The following DNAJC12 variants were observed in gnomAD, a reference collection of about 807,000 sequenced individuals.
DNAJC12 encodes the protein dnaJ homolog subfamily C member 12.
Under a neutral mutation model 28.5 loss-of-function variants are expected in DNAJC12, and 25 were observed. The ratio of observed to expected loss-of-function variants is 0.88; its 90% CI spans 0.64 to 1.22. The LOEUF (loss-of-function observed/expected upper bound fraction) is 1.22, where lower values mean the gene tolerates loss of function less well. Ranked by LOEUF, DNAJC12 falls within the 50% of genes most tolerant of loss-of-function variation. DNAJC12 has a pLI of 0.00. For synonymous variants in DNAJC12, 77 were observed against 80.6 expected (o/e 0.95, Z 0.24); for missense variants, 222 against 231.7 (o/e 0.96, Z 0.27).
At chr10:67,800,286 G>A (rs1467612171) in intron 4 of DNAJC12, among the ~76,000 whole-genome samples, 2 of 151,160 alleles carry the variant, frequency 1.3e-5, no homozygotes, top group East Asian at 3.9e-4. Context: ...AATCCCAGGT[G>A]GCACCTTAGC....
chr10:67,797,903 G>A (rs1213483767), intron 4 of DNAJC12, among the ~76,000 whole-genome samples: 7 of 152,004 alleles, frequency 4.6e-5, no homozygotes, highest in Non-Finnish European at 1.0e-4. Context: ...AGCCGGGCGT[G>A]GTGGCGGGCG....
intron 2 of DNAJC12, among the ~76,000 whole-genome samples, chr10:67,819,330 G>A (rs993482166): frequency 2.6e-5 from 4 of 151,400 alleles, no homozygotes; most frequent in Non-Finnish European, 2.9e-5. Context: ...GCGAGAAGCC[G>A]TCTCAAAAAA....
chr10:67,829,698 C>A (rs1452140181), intron 1 of DNAJC12, among the ~76,000 whole-genome samples: 1 of 152,068 alleles, frequency 6.6e-6, no homozygotes, highest in Non-Finnish European at 1.5e-5. Flanking sequence ...TGTTGACTGT[C>A]AAGCCGCCCT....
intron 2 of DNAJC12, among the ~76,000 whole-genome samples, chr10:67,818,488 A>G (rs1294835228): frequency 6.6e-6 from 1 of 152,092 alleles, no homozygotes; most frequent in African/African-American, 2.4e-5. Context: ...AACCCCCATC[A>G]CTATGGCAAC....
intron 2 of DNAJC12, among the ~76,000 whole-genome samples, chr10:67,814,349 C>T (rs1841892903): frequency 1.3e-5 from 2 of 151,522 alleles, no homozygotes; most frequent in South Asian, 4.2e-4. Flanking sequence ...AAGCTATAAA[C>T]AAATATTGAC....
chr10:67,798,630 C>A (rs1841704589), intron 4 of DNAJC12, among the ~76,000 whole-genome samples: 1 of 151,834 alleles, frequency 6.6e-6, no homozygotes. Context: ...TGCAGTGAGC[C>A]GAGAGGGTGC....
chr10:67,805,830 T>G, intron 3 of DNAJC12, 43 bp from the exon 4 acceptor site: 5 of 1,436,672 alleles, frequency 3.5e-6, no homozygotes, highest in Non-Finnish European at 4.6e-6. Flanking sequence ...AAATTGATAT[T>G]ATATGATTTT....
chr10:67,819,468 T>A (rs1841949772), intron 2 of DNAJC12, among the ~76,000 whole-genome samples: 1 of 150,352 alleles, frequency 6.7e-6, no homozygotes, highest in Admixed American at 6.7e-5. Context: ...GTGAAACCCC[T>A]TTTGCACCAA....
intron 1 of DNAJC12, among the ~76,000 whole-genome samples, chr10:67,825,106 G>A (rs1842017132): frequency 6.6e-6 from 1 of 152,082 alleles, no homozygotes; most frequent in African/African-American, 2.4e-5. Context: ...ATGTGTCTAG[G>A]TTTACTCATC....
At position 67,797,500 on chromosome 10, in the gene DNAJC12, A is replaced by C. The variant is rs141915590; in HGVS notation, c.503-290T>G. On this transcript the variant is annotated intron_variant, in intron 4 of 4. Coordinates refer to ENST00000225171, the MANE Select transcript of DNAJC12 (RefSeq NM_021800.3). ...GGGGAATTTGACAATTCACATGCAA[A>C]GAAATTTGAAACAAATTACACAGTT... Among the ~76,000 whole-genome samples the C allele has an allele frequency of 4.8e-4, 73 of 151,760 alleles. 1 individual carries two copies. In the East Asian group the frequency reaches 0.015, roughly 30 times the overall value.
At chr10:67,831,231 CTTAT>C (rs1198552752) in intron 1 of DNAJC12, among the ~76,000 whole-genome samples, 2 of 152,096 alleles carry the variant, frequency 1.3e-5, no homozygotes, top group African/African-American at 4.8e-5. Context: ...TATGCATTTA[CTTAT>C]TTATATACAT....
chr10:67,798,774 T>TTC (rs57360079), intron 4 of DNAJC12, among the ~76,000 whole-genome samples: 1 of 149,626 alleles, frequency 6.7e-6, no homozygotes, highest in East Asian at 2.0e-4. Context: ...TTTTTTTTTT[T>TTC]CCTTTTCTGA....
At position 67,817,620 on chromosome 10, in the gene DNAJC12, T is replaced by C. The variant is rs563331174; in HGVS notation, c.157+5694A>G. ...GGCTGGGTGCAGTAGCTCACTCCTGTAATCCCAGCACTTTGGGAGGCCGAG... is the reference window on the plus strand; with the variant it reads ...GGCTGGGTGCAGTAGCTCACTCCTGCAATCCCAGCACTTTGGGAGGCCGAG... On this transcript the variant is annotated intron_variant, in intron 2 of 4. Coordinates refer to ENST00000225171, the MANE Select transcript of DNAJC12 (RefSeq NM_021800.3). 1.1e-4 allele frequency among the ~76,000 whole-genome samples: 16 copies of C among 152,272 alleles called. No homozygotes were observed. In the South Asian group the frequency reaches 2.7e-3, roughly 26 times the overall value.
At chr10:67,818,282 G>A (rs989166931) in intron 2 of DNAJC12, among the ~76,000 whole-genome samples, 4 of 152,290 alleles carry the variant, frequency 2.6e-5, no homozygotes, top group South Asian at 2.1e-4. Flanking sequence ...CGTTCAGAAA[G>A]TTGTATTAAT....
intron 4 of DNAJC12, among the ~76,000 whole-genome samples, chr10:67,802,198 A>G (rs1488080014): frequency 4.6e-5 from 7 of 152,304 alleles, no homozygotes; most frequent in African/African-American, 1.4e-4. Flanking sequence ...TACATATCAC[A>G]ATATGAAGAC....
intron 1 of DNAJC12, among the ~76,000 whole-genome samples, chr10:67,826,273 T>A (rs1842028431): frequency 6.6e-6 from 1 of 151,334 alleles, no homozygotes; most frequent in South Asian, 2.1e-4. Flanking sequence ...AAGCTAGGAC[T>A]ACAGACACAG....
chr10:67,834,680 A>T (rs750691331), intron 1 of DNAJC12, among the ~76,000 whole-genome samples: 2 of 152,208 alleles, frequency 1.3e-5, no homozygotes, highest in African/African-American at 2.4e-5. Context: ...TACAAAAATT[A>T]GCTGGGCATA....
At chr10:67,832,591 T>C (rs1164450423) in intron 1 of DNAJC12, among the ~76,000 whole-genome samples, 1 of 152,118 alleles carries the variant, frequency 6.6e-6, no homozygotes, top group Non-Finnish European at 1.5e-5. Context: ...GAAGGGATAG[T>C]TTTTCCTTAC....
At chr10:67,817,357 C>T (rs1321644573) in intron 2 of DNAJC12, among the ~76,000 whole-genome samples, 1 of 152,144 alleles carries the variant, frequency 6.6e-6, no homozygotes, top group Non-Finnish European at 1.5e-5. Flanking sequence ...ACAAACAAGC[C>T]TGTGTTTATA....
Sources: gnomAD v4.1 joint callset for allele counts (sites outside exome capture counted in the v4.1 genomes callset) on GRCh38, gnomAD v4.1.1 for gene constraint, MANE v1.5 for transcripts, NCBI Gene and HGNC (gene_info 2026-07-23, HGNC 2026-07-21) for gene names.